The following BEGAIN variants were observed in gnomAD, a reference collection of about 807,000 sequenced individuals.
BEGAIN encodes brain enriched guanylate kinase associated.
BEGAIN carries 19 observed loss-of-function variants against 35.8 expected under a neutral mutation model. That is an observed-to-expected ratio of 0.53 (90% confidence interval 0.37 to 0.78). BEGAIN has a LOEUF of 0.78. BEGAIN is among the 30% of genes least tolerant of loss of function. The pLI is 0.00. For synonymous variants in BEGAIN, 462 were observed against 388.6 expected (o/e 1.19, Z -2.22); for missense variants, 795 against 853.6 (o/e 0.93, Z 0.85).
At position 100,538,030 on chromosome 14, in the gene BEGAIN, G is replaced by A. The variant is rs1350663387; in HGVS notation, c.1778C>T (p.Ser593Leu). 1 of 1,608,226 alleles carries A rather than the reference G, an allele frequency of 6.2e-7. No homozygotes were observed. The highest frequency in any genetic ancestry group is 8.5e-7 in the Non-Finnish European group (1 of 1,178,402). The change falls in exon 7 of 7, where the codon TCG becomes TTG. Residue 593 changes from serine to leucine, a missense_variant. Coordinates refer to ENST00000554140, the MANE Select transcript of BEGAIN (RefSeq NM_001385089.1). The stretch of plus-strand genomic sequence containing the variant: ...GAGGCTGTCCTTGCGGCTCAGCCCC[G>A]AGCCACCAGTCCGCGGAAAGGCCTG... ...PQQAFPRTGGSGLSRKDSLTK... is the reference protein window; with the variant it reads ...PQQAFPRTGGLGLSRKDSLTK...
At chr14:100,552,003 G>A (rs572278189) in intron 2 of BEGAIN, among the ~76,000 whole-genome samples, 2 of 152,248 alleles carry the variant, frequency 1.3e-5, no homozygotes, top group Non-Finnish European at 1.5e-5. Context: ...GAGTGCGTTC[G>A]CTCGAGGCTG....
At chr14:100,540,630 G>T (rs749793986) in intron 5 of BEGAIN, 51 bp from the exon 6 acceptor site, 1 of 1,441,586 alleles carries the variant, frequency 6.9e-7, no homozygotes. Flanking sequence ...CCAAGGCCCC[G>T]CCGCCCTGAC....
intron 1 of BEGAIN, among the ~76,000 whole-genome samples, chr14:100,583,974 C>T (rs988521737): frequency 6.6e-6 from 1 of 152,228 alleles, no homozygotes; most frequent in Non-Finnish European, 1.5e-5. Context: ...GCTGGGATTA[C>T]AGGCGTGAGC....
rs527845118 is a variant in BEGAIN, at chr14:100,546,156, G to A, written c.233+345C>T. The A allele has an allele frequency of 6.6e-5, 12 of 180,910 alleles. 2 individuals carry two copies. Among genetic ancestry groups the A allele is most frequent in the Non-Finnish European group, 1.5e-4 (12 of 80,372 alleles). 11.2% of individuals were successfully genotyped at this position (180,910 alleles called of 1,614,324 possible). A position where few individuals can be genotyped will look rare whatever the true frequency, so the allele number is the denominator to read the frequency against. Reference sequence around the variant, plus strand: ...ACCCAGGGAACCATGGCTGGGCCCCGGGTGGACCAGTCTGGGTCTGGAGAT... The same window carrying A: ...ACCCAGGGAACCATGGCTGGGCCCCAGGTGGACCAGTCTGGGTCTGGAGAT... On this transcript the variant is annotated intron_variant, in intron 3 of 6. Coordinates refer to ENST00000554140, the MANE Select transcript of BEGAIN (RefSeq NM_001385089.1).
chr14:100,551,267 C>G (rs931297535), intron 2 of BEGAIN, among the ~76,000 whole-genome samples: 6 of 152,188 alleles, frequency 3.9e-5, no homozygotes, highest in Non-Finnish European at 7.4e-5. Flanking sequence ...CTGGAGGACA[C>G]AGCGCCCAGA....
chr14:100,574,387 G>A (rs911608772), intron 1 of BEGAIN, among the ~76,000 whole-genome samples: 4 of 152,214 alleles, frequency 2.6e-5, no homozygotes, highest in Admixed American at 2.6e-4. Flanking sequence ...TAGGCTCTGT[G>A]TGACTTCATA....
rs1435476868 is a variant in BEGAIN at position 100,558,357 on chromosome 14, C to T, written c.71+9554G>A. 2.0e-5 allele frequency among the ~76,000 whole-genome samples: 3 copies of T among 152,206 alleles called. No homozygotes were observed. Among genetic ancestry groups the T allele is most frequent in the Admixed American group, 6.5e-5 (1 of 15,284 alleles). On this transcript the variant is annotated intron_variant, in intron 2 of 6. Coordinates refer to ENST00000554140, the MANE Select transcript of BEGAIN (RefSeq NM_001385089.1). The surrounding 1 kb of genome is among the most constrained non-coding windows in gnomAD (Gnocchi z 4.6). ...GGCACATGCTGCCTCTCCCTGCTCC[C>T]GCACCTCCCACCCTCACTGCGCTCT... is the stretch of plus-strand genomic sequence containing the variant.
intron 1 of BEGAIN, among the ~76,000 whole-genome samples, chr14:100,580,916 G>C (rs1302390427): frequency 1.3e-5 from 2 of 152,162 alleles, no homozygotes; most frequent in Non-Finnish European, 2.9e-5. Flanking sequence ...ATAGGGGAGG[G>C]ATCTCAGGCT....
At position 100,538,209 on chromosome 14, in the gene BEGAIN, T is replaced by A; in HGVS notation, c.1599A>T (p.Ala533=). ...TGTCCCCGTCCCCCCCCTCGCTGGG[T>A]GCATAGCCGGGCAGTGGGTCAGCCG... is the stretch of plus-strand genomic sequence containing the variant. ...GRSADPLPGY[A]PSEGGDGDRL... The change falls in exon 7 of 7, where the codon GCA becomes GCT. Residue 533 remains alanine (A), a synonymous_variant. Coordinates refer to ENST00000554140, the MANE Select transcript of BEGAIN (RefSeq NM_001385089.1). 6.4e-7 allele frequency: 1 copy of A among 1,561,926 alleles called. No homozygotes were observed. Among genetic ancestry groups the A allele is most frequent in the Non-Finnish European group, 8.6e-7 (1 of 1,159,586 alleles).
intron 1 of BEGAIN, among the ~76,000 whole-genome samples, chr14:100,576,760 A>G (rs2035211928): frequency 6.6e-6 from 1 of 152,202 alleles, no homozygotes; most frequent in South Asian, 2.1e-4. Flanking sequence ...CTCCATCACC[A>G]GGACAGCCAA....
chr14:100,539,357 C>T lies in BEGAIN; in HGVS notation c.493-42G>A, dbSNP rs748189913. On this transcript the variant is annotated intron_variant, in intron 6 of 6. Transcript: ENST00000554140. Reference sequence around the variant, plus strand: ...GAGGGGGACGGCGGGTACAGGGTCACTGTTAGCATGGCAGCCCAGCCCTGG... The same window carrying T: ...GAGGGGGACGGCGGGTACAGGGTCATTGTTAGCATGGCAGCCCAGCCCTGG... 2.1e-5 allele frequency: 32 copies of T among 1,510,600 alleles called. No homozygotes were observed. The Admixed American group carries it at 2.6e-4, about 12-fold the overall frequency. 93.6% of individuals were successfully genotyped at this position (1,510,600 alleles called of 1,614,324 possible). A position where few individuals can be genotyped will look rare whatever the true frequency, so the allele number is the denominator to read the frequency against.
At position 100,558,023 on chromosome 14, in the gene BEGAIN, T is replaced by C. The variant is rs1483290755; in HGVS notation, c.71+9888A>G. Among the ~76,000 whole-genome samples, 1 of 152,138 alleles carries C rather than the reference T, an allele frequency of 6.6e-6. No homozygotes were observed. The highest frequency in any genetic ancestry group is 1.5e-5 in the Non-Finnish European group (1 of 68,020). ...GCTGGGCTGGACCGTGGCCACTGGC[T>C]TCCCCCAGCTGCAGGTGGGGCTCCA... On this transcript the variant is annotated intron_variant, in intron 2 of 6. Transcript: ENST00000554140. This position sits in a 1 kb window ranked among gnomAD's most constrained non-coding sequence, Gnocchi z 4.6.
Position 100,546,997 on chromosome 14 carries a change from C to A in BEGAIN, c.72-335G>T, listed in dbSNP as rs572699605. ...CAGAACCTGGCCAGTGTGTTGGGGG[C>A]GGTTTAAAGGACCCAGGTACAAAGA... On this transcript the variant is annotated intron_variant, in intron 2 of 6. Coordinates refer to ENST00000554140, the MANE Select transcript of BEGAIN (RefSeq NM_001385089.1). 15 of 212,040 alleles carry A rather than the reference C, an allele frequency of 7.1e-5. No individual in the cohort carries two copies. The South Asian group carries it at 2.1e-3, about 29-fold the overall frequency. 13.1% of individuals were successfully genotyped at this position (212,040 alleles called of 1,614,324 possible).
chr14:100,562,616 G>A lies in BEGAIN; in HGVS notation c.71+5295C>T, dbSNP rs147819315. Among the ~76,000 whole-genome samples the A allele has an allele frequency of 7.0e-3, 978 of 139,928 alleles. 4 individuals carry two copies. The highest frequency in any genetic ancestry group is 0.011 in the Non-Finnish European group (722 of 66,240). 91.8% of individuals were successfully genotyped at this position (139,928 alleles called of 152,430 possible). Reference sequence around the variant, plus strand: ...CTCGAGCCTCCAACACATCCAGAACGCAGCACCTCTGCCCTCCTCCATGGC... The same window carrying A: ...CTCGAGCCTCCAACACATCCAGAACACAGCACCTCTGCCCTCCTCCATGGC... On this transcript the variant is annotated intron_variant, in intron 2 of 6. Coordinates refer to ENST00000554140, the MANE Select transcript of BEGAIN (RefSeq NM_001385089.1).
chr14:100,568,307 T>TCCCCCCCCCCCCCCCCGTAACCCATACAG lies in BEGAIN; in HGVS notation c.43-369_43-368insCTGTATGGGTTACGGGGGGGGGGGGGGGG. ...TCTCCGGCGGCCGCGGCCCCGCTGCTCCCCCCGCCCCGCCCGTTAACCCTT... is the reference window on the plus strand; with the variant it reads ...TCTCCGGCGGCCGCGGCCCCGCTGCTCCCCCCCCCCCCCCCCGTAACCCATACAGCCCCCCGCCCCGCCCGTTAACCCTT... On this transcript the variant is annotated intron_variant, in intron 1 of 6. Transcript: ENST00000554140. The surrounding 1 kb of genome is among the most constrained non-coding windows in gnomAD (Gnocchi z 7.5). The TCCCCCCCCCCCCCCCCGTAACCCATACAG allele has an allele frequency of 1.4e-6, 1 of 707,820 alleles. No individual in the cohort carries two copies. The highest frequency in any genetic ancestry group is 2.0e-6 in the Non-Finnish European group (1 of 491,760). The allele number at this position is 707,820 out of a possible 1,614,324, so 43.8% of individuals were successfully genotyped here.
rs1446384842 is a variant in BEGAIN, at chr14:100,567,865, C to T, written c.71+46G>A. 1.4e-6 allele frequency: 2 copies of T among 1,461,454 alleles called. No homozygotes were observed. Among genetic ancestry groups the T allele is most frequent in the African/African-American group, 1.5e-5 (1 of 67,070 alleles). The allele number at this position is 1,461,454 out of a possible 1,614,324, so 90.5% of individuals were successfully genotyped here. ...CCCGCCTTCCCCAGCGCCCTCACCC[C>T]CGACCCGGCCCCCGCGAGCCGCGGC... On this transcript the variant is annotated intron_variant, in intron 2 of 6. Coordinates refer to ENST00000554140, the MANE Select transcript of BEGAIN (RefSeq NM_001385089.1). This position sits in a 1 kb window ranked among gnomAD's most constrained non-coding sequence, Gnocchi z 5.1.
chr14:100,555,235 C>G (rs2033597369), intron 2 of BEGAIN, among the ~76,000 whole-genome samples: 1 of 152,242 alleles, frequency 6.6e-6, no homozygotes, highest in Admixed American at 6.5e-5. Context: ...GTGCCCCAAG[C>G]CTTCCATCAA....
chr14:100,559,201 C>T (rs556320387), intron 2 of BEGAIN, among the ~76,000 whole-genome samples: 5 of 152,190 alleles, frequency 3.3e-5, no homozygotes, highest in East Asian at 3.9e-4. Flanking sequence ...GGGAGCTGCG[C>T]GGTGGGCCCA....
intron 1 of BEGAIN, among the ~76,000 whole-genome samples, chr14:100,570,925 C>A (rs775959049): frequency 6.6e-6 from 1 of 152,192 alleles, no homozygotes; most frequent in East Asian, 1.9e-4. Context: ...GCTGGAGAAC[C>A]GCGGCGCTGC....
Sources: gnomAD v4.1 joint callset for allele counts (sites outside exome capture counted in the v4.1 genomes callset) on GRCh38, gnomAD v4.1.1 for gene constraint, Gnocchi (gnomAD v3.1) non-coding constraint, MANE v1.5 for transcripts, NCBI Gene and HGNC (gene_info 2026-07-23, HGNC 2026-07-21) for gene names.